ASTN2: variants seen among roughly 807,000 people sequenced by gnomAD.
ASTN2 encodes astrotactin 2.
In ASTN2, 54 loss-of-function variants were observed where a neutral mutation model predicts 139.8. The observed-to-expected ratio is 0.39, with a 90% CI of 0.31 to 0.48. The LOEUF (loss-of-function observed/expected upper bound fraction) is 0.48, where lower values mean the gene tolerates loss of function less well. Among genes scored for constraint, ASTN2 ranks in the 20% least tolerant of loss-of-function variants. The probability of loss-of-function intolerance (pLI) is 0.95; values close to 1 mark genes in which losing one functional copy is unlikely to be tolerated. For missense variants in ASTN2, 1,565 were observed against 1,725.1 expected, an observed-to-expected ratio of 0.91 and a Z score of 1.64; for synonymous variants, 756 against 719.5, an observed-to-expected ratio of 1.05 and a Z score of -0.81.
intron 16 of ASTN2, among the ~76,000 whole-genome samples, chr9:116,711,797 A>T (rs1278821641): frequency 6.6e-6 from 1 of 152,068 alleles, no homozygotes; most frequent in Non-Finnish European, 1.5e-5. Flanking sequence ...TTTCACATAC[A>T]TTAATTTTTT....
chr9:116,977,361 A>C (rs1836370937), intron 7 of ASTN2, among the ~76,000 whole-genome samples: 1 of 151,300 alleles, frequency 6.6e-6, no homozygotes, highest in African/African-American at 2.4e-5. Context: ...CCTTCCTTCT[A>C]CTGCCATCTC....
chr9:116,623,762 C>G (rs10817914), intron 17 of ASTN2, among the ~76,000 whole-genome samples: 128,782 of 152,134 alleles, frequency 0.85, 54,502 homozygotes, highest in African/African-American at 0.88. Flanking sequence ...GAAAAGCGTG[C>G]AGGAGCAGGG....
chr9:116,932,796 A>G (rs1483844601), intron 10 of ASTN2, among the ~76,000 whole-genome samples: 2 of 152,048 alleles, frequency 1.3e-5, no homozygotes, highest in African/African-American at 4.8e-5. Context: ...ACTTGAGGTA[A>G]GGAGTTCGAG....
chr9:116,613,018 C>T (rs1198389191), intron 19 of ASTN2: 1 of 151,668 alleles, frequency 6.6e-6, no homozygotes, highest in Non-Finnish European at 1.5e-5. Context: ...CAAATAGACG[C>T]AATAAAAAAT....
At position 116,880,725 on chromosome 9, in the gene ASTN2, A is replaced by T. The variant is rs182822694; in HGVS notation, c.1890-16992T>A. ...CTTCCTGTTCCTTCTAGGGCAAAAG[A>T]AGTTTATTGCAGCCATCCATGGCTG... On this transcript the variant is annotated intron_variant, in intron 10 of 22. Coordinates refer to ENST00000313400, the MANE Select transcript of ASTN2 (RefSeq NM_001365068.1). Among the ~76,000 whole-genome samples, 7 of 152,178 alleles carry T rather than the reference A, an allele frequency of 4.6e-5. No individual in the cohort carries two copies. In the East Asian group the frequency reaches 1.4e-3, roughly 30 times the overall value.
intron 1 of ASTN2, among the ~76,000 whole-genome samples, chr9:117,348,725 G>A (rs1334166833): frequency 1.3e-5 from 2 of 152,112 alleles, no homozygotes; most frequent in Admixed American, 1.3e-4. Context: ...GGGAGGCAAA[G>A]AAAGACATCT....
chr9:116,512,573 C>G (rs1288386636), intron 19 of ASTN2, among the ~76,000 whole-genome samples: 3 of 152,078 alleles, frequency 2.0e-5, no homozygotes, highest in African/African-American at 7.2e-5. Flanking sequence ...CTTTCTGTCT[C>G]GTTGATCTGT....
chr9:116,611,585 C>T (rs1055696794), intron 19 of ASTN2: 3 of 152,024 alleles, frequency 2.0e-5, no homozygotes, highest in Non-Finnish European at 4.4e-5. Context: ...ACTATAATCT[C>T]AACAGATTTC....
chr9:117,246,961 T>C (rs368438099), intron 2 of ASTN2, among the ~76,000 whole-genome samples: 28 of 152,072 alleles, frequency 1.8e-4, no homozygotes, highest in Non-Finnish European at 3.5e-4. Flanking sequence ...TCTGGAATAG[T>C]TGAAGGTCCA....
At chr9:116,534,785 G>A (rs1192656724) in intron 19 of ASTN2, among the ~76,000 whole-genome samples, 1 of 152,156 alleles carries the variant, frequency 6.6e-6, no homozygotes, top group Non-Finnish European at 1.5e-5. Flanking sequence ...TTCCAACTAT[G>A]TGGTCAATTT....
At chr9:117,324,522 T>C (rs1828448978) in intron 1 of ASTN2, among the ~76,000 whole-genome samples, 1 of 152,184 alleles carries the variant, frequency 6.6e-6, no homozygotes, top group Non-Finnish European at 1.5e-5. Flanking sequence ...GAACTCACTA[T>C]CATGAGAACA....
chr9:117,164,714 T>C (rs1236319126), intron 3 of ASTN2, among the ~76,000 whole-genome samples: 1 of 152,074 alleles, frequency 6.6e-6, no homozygotes, highest in Non-Finnish European at 1.5e-5. Context: ...CTCCATGGGA[T>C]GTCAGGCTTT....
chr9:116,859,689 G>A (rs879554994), intron 11 of ASTN2, among the ~76,000 whole-genome samples: 19 of 152,166 alleles, frequency 1.2e-4, no homozygotes, highest in African/African-American at 4.3e-4. Context: ...ACCAGGCTAC[G>A]CCCATGAGTG....
chr9:116,516,504 G>T (rs1303813172), intron 19 of ASTN2, among the ~76,000 whole-genome samples: 1 of 152,180 alleles, frequency 6.6e-6, no homozygotes, highest in African/African-American at 2.4e-5. Context: ...TAGGAGGAAG[G>T]ACTAGCTTGC....
intron 11 of ASTN2, among the ~76,000 whole-genome samples, chr9:116,854,943 C>G (rs369628722): frequency 6.6e-6 from 1 of 151,416 alleles, no homozygotes; most frequent in African/African-American, 2.5e-5. Flanking sequence ...TGAGCCACCG[C>G]GCCCGGCCTC....
intron 1 of ASTN2, among the ~76,000 whole-genome samples, chr9:117,350,783 G>A (rs113260796): frequency 1.6e-4 from 25 of 152,234 alleles, no homozygotes; most frequent in African/African-American, 5.5e-4. Flanking sequence ...TAGCAAGTTA[G>A]CAAAGCATTT....
At chr9:116,988,856 C>A (rs925486728) in intron 7 of ASTN2, among the ~76,000 whole-genome samples, 2 of 152,122 alleles carry the variant, frequency 1.3e-5, no homozygotes, top group African/African-American at 2.4e-5. Context: ...TCTTTTCCTG[C>A]AAATTGCTGG....
chr9:117,262,413 A>ATT (rs201046437), intron 2 of ASTN2, among the ~76,000 whole-genome samples: 96 of 117,488 alleles, frequency 8.2e-4, no homozygotes, highest in South Asian at 1.5e-3. Flanking sequence ...TTATTTATTT[A>ATT]TTTATTTTTT....
chr9:117,054,032 A>G (rs1181267079), intron 5 of ASTN2, among the ~76,000 whole-genome samples: 13 of 89,048 alleles, frequency 1.5e-4, no homozygotes, highest in African/African-American at 9.5e-4. Context: ...ATAAAAAAAG[A>G]AAAAAAAAAA....
Sources: allele counts gnomAD v4.1 joint callset (sites outside exome capture counted in the v4.1 genomes callset), GRCh38; gene constraint gnomAD v4.1.1; transcripts MANE v1.5; gene names NCBI Gene and HGNC (gene_info 2026-07-23, HGNC 2026-07-21).